The following NSL1 variants were observed in gnomAD, a reference collection of about 807,000 sequenced individuals.
NSL1 encodes NSL1 component of MIS12 kinetochore complex, also known as kinetochore-associated protein NSL1 homolog.
In NSL1, 11 loss-of-function variants were observed where a neutral mutation model predicts 25.4. The observed-to-expected ratio is 0.43, with a 90% confidence interval of 0.27 to 0.72. The LOEUF (loss-of-function observed/expected upper bound fraction) is 0.72, where lower values mean the gene tolerates loss of function less well. Ranked by LOEUF, NSL1 falls within the 30% of genes least tolerant of loss-of-function variation. The probability of loss-of-function intolerance (pLI) is 0.19; values close to 1 mark genes in which losing one functional copy is unlikely to be tolerated. For synonymous variants in NSL1, 118 were observed against 120.6 expected, an observed-to-expected ratio of 0.98 and a Z score of 0.14; for missense variants, 330 against 342.7, an observed-to-expected ratio of 0.96 and a Z score of 0.29.
chr1:212,758,976 C>T (rs746227201), intron 4 of NSL1, among the ~76,000 whole-genome samples: 1 of 152,132 alleles, frequency 6.6e-6, no homozygotes, highest in Non-Finnish European at 1.5e-5. Flanking sequence ...AGAAAGAAAT[C>T]TACATATTAC....
intron 4 of NSL1, among the ~76,000 whole-genome samples, chr1:212,770,921 T>C (rs897980640): frequency 2.0e-5 from 3 of 152,196 alleles, no homozygotes; most frequent in African/African-American, 7.2e-5. Context: ...ATGAGTGTGA[T>C]ACATCACATC....
chr1:212,770,273 T>C (rs1190873159), intron 4 of NSL1, among the ~76,000 whole-genome samples: 1 of 151,938 alleles, frequency 6.6e-6, no homozygotes. Flanking sequence ...ACAGAAAAGA[T>C]AAATGAAACT....
chr1:212,762,321 A>AAAAAAG (rs1558051420), intron 4 of NSL1, among the ~76,000 whole-genome samples: 1 of 151,678 alleles, frequency 6.6e-6, no homozygotes, highest in African/African-American at 2.4e-5. Context: ...AAAAAAAAAA[A>AAAAAAG]AAAAAGAAAA....
rs898995264 is a variant in NSL1, at chr1:212,765,312, T to C, written c.499+17060A>G. On this transcript the variant is annotated intron_variant, in intron 4 of 5. Coordinates refer to ENST00000366977, the MANE Select transcript of NSL1 (RefSeq NM_015471.4). ...AGAAAACTACAGACCAATATCCTGA[T>C]GAACATAGATGCAAAAATCCTCAAT... is the stretch of plus-strand genomic sequence containing the variant. Among the ~76,000 whole-genome samples, 5 of 152,144 alleles carry C rather than the reference T, an allele frequency of 3.3e-5. No homozygotes were observed. In the East Asian group the frequency reaches 7.7e-4, roughly 23 times the overall value.
rs142657388 is a variant in NSL1, at chr1:212,760,142, GCACA to G, written c.500-20545_500-20542del. On this transcript the variant is annotated intron_variant, in intron 4 of 5. Transcript: ENST00000366977. The surrounding 1 kb of genome is among the most constrained non-coding windows in gnomAD (Gnocchi z 4.3). The stretch of plus-strand genomic sequence containing the variant: ...ACCTGCCCCGCCAGCTGCTTCTGGG[GCACA>G]CACACACACACACCATAAGGGAGCT... Among the ~76,000 whole-genome samples, 23 of 150,404 alleles carry G rather than the reference GCACA, an allele frequency of 1.5e-4. No homozygotes were observed. Among genetic ancestry groups the G allele is most frequent in the Admixed American group, 1.4e-3 (21 of 15,062 alleles).
intron 2 of NSL1, among the ~76,000 whole-genome samples, chr1:212,786,137 G>T (rs935316714): frequency 6.6e-6 from 1 of 150,438 alleles, no homozygotes; most frequent in African/African-American, 2.4e-5. Context: ...GATAGATAGA[G>T]AGAGAGACAC....
intron 4 of NSL1, among the ~76,000 whole-genome samples, chr1:212,777,202 C>T (rs1660413042): frequency 6.6e-6 from 1 of 151,874 alleles, no homozygotes; most frequent in South Asian, 2.1e-4. Context: ...AGTGGGACTC[C>T]ATCGCTACAA....
intron 4 of NSL1, among the ~76,000 whole-genome samples, chr1:212,749,083 T>A (rs1346007396): frequency 6.6e-6 from 1 of 152,130 alleles, no homozygotes; most frequent in Non-Finnish European, 1.5e-5. Context: ...TATTTCTAGA[T>A]CATGGTGGCA....
At chr1:212,780,083 A>G (rs1170844399) in intron 4 of NSL1, among the ~76,000 whole-genome samples, 10 of 151,702 alleles carry the variant, frequency 6.6e-5, no homozygotes, top group African/African-American at 2.4e-4. Flanking sequence ...TGGGGAAAAG[A>G]TTGAGAAATC....
chr1:212,743,115 A>G (rs1018007723), intron 4 of NSL1, among the ~76,000 whole-genome samples: 1 of 152,212 alleles, frequency 6.6e-6, no homozygotes, highest in African/African-American at 2.4e-5. Context: ...AATCTAAAAC[A>G]TTTACGGATT....
rs559126539 is a variant in NSL1 at position 212,760,762 on chromosome 1, G to A, written c.500-21161C>T. Reference sequence around the variant, plus strand: ...CCCATTGCTGTCACTGCTGGTACCTGAGCAAGCCACCTGGAGGCCCAAGAA... The same window carrying A: ...CCCATTGCTGTCACTGCTGGTACCTAAGCAAGCCACCTGGAGGCCCAAGAA... On this transcript the variant is annotated intron_variant, in intron 4 of 5. Transcript: ENST00000366977. The surrounding 1 kb of genome is among the most constrained non-coding windows in gnomAD (Gnocchi z 4.3). Among the ~76,000 whole-genome samples the A allele has an allele frequency of 6.6e-6, 1 of 152,166 alleles. No homozygotes were observed. The highest frequency in any genetic ancestry group is 1.5e-5 in the Non-Finnish European group (1 of 68,032).
intron 4 of NSL1, among the ~76,000 whole-genome samples, chr1:212,752,962 T>G (rs550651095): frequency 6.6e-6 from 1 of 150,886 alleles, no homozygotes; most frequent in Non-Finnish European, 1.5e-5. Flanking sequence ...AAACAAGCAA[T>G]CACGCACAGC....
rs562847300 is a variant in NSL1 at position 212,779,946 on chromosome 1, G to A, written c.499+2426C>T. On this transcript the variant is annotated intron_variant, in intron 4 of 5. Transcript: ENST00000366977. ...AGGTGAGGGGCGCCTCTGCCCGGCC[G>A]CCCCTACTGGGAAGTGAGGAGCCCC... Among the ~76,000 whole-genome samples the A allele has an allele frequency of 3.3e-3, 494 of 151,000 alleles. 1 individual carries two copies. Among genetic ancestry groups the A allele is most frequent in the Middle Eastern group, 6.9e-3 (2 of 288 alleles).
rs1157250750 is a variant in NSL1 at position 212,727,948 on chromosome 1, G to A, written c.*10460C>T. ...GTCGCTGTGGTGTAGCGGTGAGAGCGTCTGAGACTCTGGACAAGGCCTTTG... is the reference window on the plus strand; with the variant it reads ...GTCGCTGTGGTGTAGCGGTGAGAGCATCTGAGACTCTGGACAAGGCCTTTG... On this transcript the variant is annotated 3_prime_UTR_variant, in exon 6 of 6. Transcript: ENST00000366977. The A allele has an allele frequency of 6.1e-6, 6 of 985,300 alleles. No individual in the cohort carries two copies. In the East Asian group the frequency reaches 3.4e-4, roughly 56 times the overall value. The allele number at this position is 985,300 out of a possible 1,614,324, so 61.0% of individuals were successfully genotyped here. A position where few individuals can be genotyped will look rare whatever the true frequency, so the allele number is the denominator to read the frequency against.
intron 1 of NSL1, among the ~76,000 whole-genome samples, chr1:212,790,172 G>C (rs111587815): frequency 0.023 from 3,462 of 152,070 alleles, 63 homozygotes; most frequent in South Asian, 0.041. Flanking sequence ...TGCCACCATG[G>C]CCGGCTAATT....
intron 4 of NSL1, among the ~76,000 whole-genome samples, chr1:212,743,288 C>T (rs1340290860): frequency 1.3e-5 from 2 of 152,060 alleles, no homozygotes; most frequent in African/African-American, 4.8e-5. Flanking sequence ...ACTCAGCCTC[C>T]TGAGTAGCTG....
intron 4 of NSL1, among the ~76,000 whole-genome samples, chr1:212,779,338 G>A (rs1418397952): frequency 1.4e-5 from 2 of 142,478 alleles, no homozygotes; most frequent in African/African-American, 2.6e-5. Flanking sequence ...AGGTGGGGGG[G>A]TCAGCCCCCC....
At chr1:212,769,545 A>C (rs754747713) in intron 4 of NSL1, among the ~76,000 whole-genome samples, 1 of 152,188 alleles carries the variant, frequency 6.6e-6, no homozygotes, top group African/African-American at 2.4e-5. Context: ...AGGAGAAATA[A>C]AGTCTTCTCA....
intron 4 of NSL1, among the ~76,000 whole-genome samples, chr1:212,768,070 A>G (rs1282909319): frequency 6.6e-6 from 1 of 152,190 alleles, no homozygotes; most frequent in Non-Finnish European, 1.5e-5. Context: ...CTGTAATCCC[A>G]GCACTTTGGG....
Sources: gnomAD v4.1 joint callset for allele counts (sites outside exome capture counted in the v4.1 genomes callset) on GRCh38, gnomAD v4.1.1 for gene constraint, Gnocchi (gnomAD v3.1) non-coding constraint, MANE v1.5 for transcripts, NCBI Gene and HGNC (gene_info 2026-07-23, HGNC 2026-07-21) for gene names.